ZNF462: variants seen among roughly 807,000 people sequenced by gnomAD.
ZNF462 encodes the protein zinc finger PBX1-interacting protein.
ZNF462 carries 10 observed loss-of-function variants against 201.9 expected under a neutral mutation model. The ratio of observed to expected loss-of-function variants is 0.05; its 90% CI spans 0.03 to 0.08. ZNF462 has a LOEUF of 0.08. Among genes scored for constraint, ZNF462 ranks in the 10% least tolerant of loss-of-function variants. The pLI is 1.00. For missense variants in ZNF462, 2,523 were observed against 3,168.3 expected (o/e 0.80, Z 4.89); for synonymous variants, 1,227 against 1,193.3 (o/e 1.03, Z -0.58).
At chr9:106,973,681 C>A (rs1269810984) in intron 8 of ZNF462, among the ~76,000 whole-genome samples, 1 of 152,068 alleles carries the variant, frequency 6.6e-6, no homozygotes, top group African/African-American at 2.4e-5. Context: ...ACCTAATCAT[C>A]AATCATGATG....
At chr9:106,887,497 A>G (rs976575) in intron 1 of ZNF462, among the ~76,000 whole-genome samples, 66,849 of 152,026 alleles carry the variant, frequency 0.44, 16,584 homozygotes, top group African/African-American at 0.68. Flanking sequence ...TTTCCTACTT[A>G]TTACAATAAA....
At chr9:106,914,188 T>G (rs1204929107) in intron 1 of ZNF462, among the ~76,000 whole-genome samples, 2 of 150,888 alleles carry the variant, frequency 1.3e-5, no homozygotes, top group African/African-American at 4.8e-5. Context: ...TTGTTGACCC[T>G]CTAAGGATCC....
rs1303217692 is a variant in ZNF462, at chr9:106,924,162, G to A, written c.250G>A (p.Gly84Ser). 1 of 1,609,034 alleles carries A rather than the reference G, an allele frequency of 6.2e-7. No individual in the cohort carries two copies. The highest frequency in any genetic ancestry group is 8.5e-7 in the Non-Finnish European group (1 of 1,178,746). ...GQNATSLGTG[G>S]YYGHSPGYYG... is the part of the protein sequence containing the mutation. ...AAATGCAACTTCATTGGGGACCGGA[G>A]GTTACTATGGCCACAGTCCAGGATA... is the stretch of plus-strand genomic sequence containing the variant. The change falls in exon 3 of 13, where the codon GGT becomes AGT. Residue 84 changes from glycine (G) to serine (S), a missense_variant. Transcript: ENST00000277225. This position sits in a 1 kb window ranked among gnomAD's most constrained non-coding sequence, Gnocchi z 6.2.
At position 106,919,162 on chromosome 9, in the gene ZNF462, C is replaced by G. The variant is rs1423564656; in HGVS notation, c.-30-4192C>G. Among the ~76,000 whole-genome samples the G allele has an allele frequency of 6.6e-6, 1 of 152,230 alleles. No homozygotes were observed. The highest frequency in any genetic ancestry group is 2.4e-5 in the African/African-American group (1 of 41,454). Reference sequence around the variant, plus strand: ...TAATTTGATCACTTCCTGAAGAGAGCTGGGATTTTGACTTGAGGACCACAT... The same window carrying G: ...TAATTTGATCACTTCCTGAAGAGAGGTGGGATTTTGACTTGAGGACCACAT... On this transcript the variant is annotated intron_variant, in intron 1 of 12. Coordinates refer to ENST00000277225, the MANE Select transcript of ZNF462 (RefSeq NM_021224.6). The surrounding 1 kb of genome is among the most constrained non-coding windows in gnomAD (Gnocchi z 4.5).
chr9:106,972,073 A>G lies in ZNF462; in HGVS notation c.6496A>G (p.Arg2166Gly), dbSNP rs1375026457. ...CCACTATCAGTCAGCTGCCCTGGCA[A>G]GGAACAACAGCCGTGTTAGCCCTGT... ...LNHYQSAALA[R>G]NNSRVSPVPL... is the part of the protein sequence containing the mutation. Residue 2166 changes from arginine (R) to glycine (G), a missense_variant, in exon 8 of 13, where the codon AGG becomes GGG. Coordinates refer to ENST00000277225, the MANE Select transcript of ZNF462 (RefSeq NM_021224.6). This position sits in a 1 kb window ranked among gnomAD's most constrained non-coding sequence, Gnocchi z 4.8. 1.2e-6 allele frequency: 2 copies of G among 1,614,194 alleles called. No homozygotes were observed. Among genetic ancestry groups the G allele is most frequent in the Non-Finnish European group, 1.7e-6 (2 of 1,180,024 alleles).
chr9:106,971,955 C>T (rs1826640468), intron 7 of ZNF462, 50 bp from the exon 8 acceptor site: 1 of 1,558,882 alleles, frequency 6.4e-7, no homozygotes, highest in Non-Finnish European at 8.7e-7. Context: ...AAGCATCGAT[C>T]ACCTACTGTG....
intron 1 of ZNF462, among the ~76,000 whole-genome samples, chr9:106,916,288 G>T (rs1829771202): frequency 6.6e-6 from 1 of 152,206 alleles, no homozygotes; most frequent in Non-Finnish European, 1.5e-5. Context: ...AAGGCCCAAG[G>T]TCAGTCAGGC....
intron 9 of ZNF462, among the ~76,000 whole-genome samples, chr9:106,980,043 T>C (rs1281132304): frequency 2.0e-5 from 3 of 152,178 alleles, no homozygotes; most frequent in African/African-American, 4.8e-5. Flanking sequence ...TACAGTGAGA[T>C]TGCCAATCTT....
At chr9:106,898,411 C>A (rs996598451) in intron 1 of ZNF462, among the ~76,000 whole-genome samples, 5 of 152,216 alleles carry the variant, frequency 3.3e-5, no homozygotes, top group Admixed American at 6.5e-5. Flanking sequence ...TTTGTGCTAA[C>A]CCTTCTGGAG....
At chr9:106,958,435 T>A (rs1370747801) in intron 7 of ZNF462, among the ~76,000 whole-genome samples, 5 of 152,110 alleles carry the variant, frequency 3.3e-5, no homozygotes, top group African/African-American at 9.7e-5. Flanking sequence ...GAATACCCTG[T>A]CTTTAAAAGG....
intron 1 of ZNF462, among the ~76,000 whole-genome samples, chr9:106,908,942 T>TATATATATATA (rs71384993): frequency 1.1e-3 from 19 of 16,686 alleles, no homozygotes; most frequent in South Asian, 5.6e-3. Flanking sequence ...TATATATATA[T>TATATATATATA]TTTTTTTTTT....
rs968686074 is a variant in ZNF462, at chr9:106,974,009, A to AT, written c.6696-119dup. 4.0e-4 allele frequency: 489 copies of AT among 1,229,680 alleles called. No homozygotes were observed. Among genetic ancestry groups the AT allele is most frequent in the Admixed American group, 5.8e-4 (28 of 48,242 alleles). The allele number at this position is 1,229,680 out of a possible 1,614,324, so 76.2% of individuals were successfully genotyped here. A position where few individuals can be genotyped will look rare whatever the true frequency, so the allele number is the denominator to read the frequency against. Reference sequence around the variant, plus strand: ...GGTGGTCAACAAACATGATGAACAGATTTTTTTTTAGCCCCACAAGCAGGA... The same window carrying AT: ...GGTGGTCAACAAACATGATGAACAGATTTTTTTTTTAGCCCCACAAGCAGGA... On this transcript the variant is annotated intron_variant, in intron 8 of 12. Transcript: ENST00000277225. This position sits in a 1 kb window ranked among gnomAD's most constrained non-coding sequence, Gnocchi z 4.0.
At chr9:106,915,898 C>T (rs1326826150) in intron 1 of ZNF462, among the ~76,000 whole-genome samples, 1 of 152,156 alleles carries the variant, frequency 6.6e-6, no homozygotes, top group Non-Finnish European at 1.5e-5. Flanking sequence ...GTTTTGTCTG[C>T]TATAAGAAAA....
At chr9:106,875,176 C>G (rs985726083) in intron 1 of ZNF462, among the ~76,000 whole-genome samples, 2 of 152,102 alleles carry the variant, frequency 1.3e-5, no homozygotes, top group African/African-American at 2.4e-5. Flanking sequence ...CCCTCTTGCC[C>G]CCTTTCCATG....
intron 7 of ZNF462, among the ~76,000 whole-genome samples, chr9:106,948,637 A>C (rs1479388750): frequency 6.6e-6 from 1 of 152,020 alleles, no homozygotes; most frequent in African/African-American, 2.4e-5. Flanking sequence ...ATGAGTATAC[A>C]AACATAGGTT....
At position 106,905,846 on chromosome 9, in the gene ZNF462, T is replaced by C. The variant is rs1829248795; in HGVS notation, c.-30-17508T>C. On this transcript the variant is annotated intron_variant, in intron 1 of 12. Coordinates refer to ENST00000277225, the MANE Select transcript of ZNF462 (RefSeq NM_021224.6). This position sits in a 1 kb window ranked among gnomAD's most constrained non-coding sequence, Gnocchi z 5.9. ...TCCCAGCTGCGAGAAAAAAGAGTTT[T>C]AGTTCTTCCACACCTGTGTAGTCTG... Among the ~76,000 whole-genome samples, 1 of 152,186 alleles carries C rather than the reference T, an allele frequency of 6.6e-6. No individual in the cohort carries two copies. The highest frequency in any genetic ancestry group is 2.4e-5 in the African/African-American group (1 of 41,446).
At chr9:106,940,174 A>G (rs771895718) in intron 7 of ZNF462, among the ~76,000 whole-genome samples, 9 of 152,158 alleles carry the variant, frequency 5.9e-5, no homozygotes, top group Non-Finnish European at 8.8e-5. Context: ...TTGTATAGTG[A>G]TATCTGCCTC....
intron 5 of ZNF462, among the ~76,000 whole-genome samples, chr9:106,934,504 A>G (rs1830551027): frequency 6.6e-6 from 1 of 152,212 alleles, no homozygotes; most frequent in Non-Finnish European, 1.5e-5. Context: ...GGTTAGTGCC[A>G]TTTATAGAAA....
intron 7 of ZNF462, among the ~76,000 whole-genome samples, chr9:106,949,897 C>T (rs1364030090): frequency 6.6e-6 from 1 of 152,168 alleles, no homozygotes; most frequent in Non-Finnish European, 1.5e-5. Flanking sequence ...TCCAGCTGCC[C>T]ACCTGTGGCC....
Sources: gnomAD v4.1 joint callset for allele counts (sites outside exome capture counted in the v4.1 genomes callset) on GRCh38, gnomAD v4.1.1 for gene constraint, Gnocchi (gnomAD v3.1) non-coding constraint, MANE v1.5 for transcripts, NCBI Gene and HGNC (gene_info 2026-07-23, HGNC 2026-07-21) for gene names.